FHOD3: variants seen among roughly 807,000 people sequenced by gnomAD.
FHOD3 encodes formin homology 2 domain containing 3.
Under a neutral mutation model 173.0 loss-of-function variants are expected in FHOD3, and 90 were observed. The ratio of observed to expected loss-of-function variants is 0.52; its 90% CI spans 0.44 to 0.62. The LOEUF is 0.62. Among genes scored for constraint, FHOD3 ranks in the 20% least tolerant of loss-of-function variants. The probability of loss-of-function intolerance (pLI) is 0.00; values close to 1 mark genes in which losing one functional copy is unlikely to be tolerated. For synonymous variants in FHOD3, 828 were observed against 823.0 expected (o/e 1.01, Z -0.10); for missense variants, 1,945 against 2,034.7 (o/e 0.96, Z 0.85).
chr18:36,554,550 G>A (rs954235747), intron 5 of FHOD3, among the ~76,000 whole-genome samples: 4 of 151,922 alleles, frequency 2.6e-5, no homozygotes, highest in African/African-American at 9.7e-5. Flanking sequence ...GAGTTAATGG[G>A]TGCAGCACAC....
intron 1 of FHOD3, among the ~76,000 whole-genome samples, chr18:36,353,908 C>CT (rs1487992455): frequency 7.0e-6 from 1 of 143,724 alleles, no homozygotes; most frequent in Non-Finnish European, 1.5e-5. Context: ...ATTTGGGGCT[C>CT]TGCTTTTTTC....
At chr18:36,537,961 A>C (rs897444462) in intron 5 of FHOD3, among the ~76,000 whole-genome samples, 5 of 152,168 alleles carry the variant, frequency 3.3e-5, no homozygotes, top group African/African-American at 1.2e-4. Flanking sequence ...AACCTCAACA[A>C]ATTTAAAATA....
chr18:36,475,751 TACACACACACACACACACACACACAC>T (rs58982535), intron 3 of FHOD3, among the ~76,000 whole-genome samples: 12 of 142,968 alleles, frequency 8.4e-5, no homozygotes, highest in Admixed American at 4.9e-4. Flanking sequence ...TATAGAAACA[TACACACACACACACACACACACACAC>T]ACACACACAC....
chr18:36,491,422 G>A (rs1395947736), intron 3 of FHOD3, among the ~76,000 whole-genome samples: 1 of 152,144 alleles, frequency 6.6e-6, no homozygotes, highest in Admixed American at 6.5e-5. Context: ...GTTATTAAGT[G>A]CAGTCCATAC....
At chr18:36,742,652 G>GTTAT in intron 21 of FHOD3, 85 bp from the exon 22 acceptor site, 1 of 1,440,824 alleles carries the variant, frequency 6.9e-7, no homozygotes. Flanking sequence ...AACACCGTGT[G>GTTAT]TTATTCCCTT....
chr18:36,469,690 G>A (rs1234189231), intron 3 of FHOD3, among the ~76,000 whole-genome samples: 1 of 152,160 alleles, frequency 6.6e-6, no homozygotes, highest in East Asian at 1.9e-4. Flanking sequence ...GGGTTGTGAG[G>A]CCTCATCACC....
At chr18:36,461,821 G>A (rs1420491713) in intron 3 of FHOD3, among the ~76,000 whole-genome samples, 1 of 152,148 alleles carries the variant, frequency 6.6e-6, no homozygotes, top group South Asian at 2.1e-4. Flanking sequence ...GCAAGGAAGG[G>A]GGTGATGTAG....
chr18:36,652,929 G>C lies in FHOD3; in HGVS notation c.1646G>C (p.Ser549Thr). Reference protein sequence around the residue: ...EKEAESQKENSSSDSFSLSTY... With the variant: ...EKEAESQKENTSSDSFSLSTY... ...GAAGCAGAGTCCCAGAAGGAAAACA[G>C]GTAGATTTGCTCACCTGGAGGCTTG... is the stretch of plus-strand genomic sequence containing the variant. The change falls in exon 12 of 29, where the codon AGT (serine) becomes ACT (threonine). Residue 549 changes from serine to threonine, a missense_variant and splice_region_variant. Physicochemically the swap from Ser to Thr is moderately conservative, Grantham distance 58. Around this residue, in one of 5 missense-constraint regions of FHOD3, gnomAD observed 1,099 missense variants for 1,051.2 expected, o/e 1.05. Coordinates refer to ENST00000590592, the MANE Select transcript of FHOD3 (RefSeq NM_001281740.3). 6.5e-7 allele frequency: 1 copy of C among 1,528,830 alleles called. No individual in the cohort carries two copies. The highest frequency in any genetic ancestry group is 8.8e-7 in the Non-Finnish European group (1 of 1,141,570). The allele number at this position is 1,528,830 out of a possible 1,614,324, so 94.7% of individuals were successfully genotyped here.
chr18:36,464,661 A>G (rs2052795104), intron 3 of FHOD3, among the ~76,000 whole-genome samples: 1 of 151,802 alleles, frequency 6.6e-6, no homozygotes, highest in South Asian at 2.1e-4. Flanking sequence ...GGAGAAAGAG[A>G]GGGAGTGCCA....
At chr18:36,582,946 A>C (rs954831817) in intron 6 of FHOD3, among the ~76,000 whole-genome samples, 1 of 152,250 alleles carries the variant, frequency 6.6e-6, no homozygotes, top group Middle Eastern at 3.4e-3. Context: ...AGGGCCTTGC[A>C]TTTTTCCCCC....
chr18:36,571,900 T>C (rs1342328517), intron 5 of FHOD3, among the ~76,000 whole-genome samples: 2 of 152,174 alleles, frequency 1.3e-5, no homozygotes, highest in East Asian at 1.9e-4. Flanking sequence ...GAAGAACACA[T>C]AAGAGAAAAT....
At chr18:36,407,355 TC>T (rs1317845308) in intron 3 of FHOD3, among the ~76,000 whole-genome samples, 2 of 152,192 alleles carry the variant, frequency 1.3e-5, no homozygotes, top group Non-Finnish European at 2.9e-5. Context: ...CATATACATT[TC>T]CCCACCAACA....
intron 2 of FHOD3, among the ~76,000 whole-genome samples, chr18:36,361,931 T>A (rs751393082): frequency 5.3e-5 from 8 of 152,168 alleles, no homozygotes; most frequent in Admixed American, 1.3e-4. Context: ...AACCACTGCG[T>A]GAGAAAGACG....
At chr18:36,449,217 CT>C (rs1402197018) in intron 3 of FHOD3, among the ~76,000 whole-genome samples, 1 of 152,044 alleles carries the variant, frequency 6.6e-6, no homozygotes, top group Non-Finnish European at 1.5e-5. Context: ...GCTGCCTATA[CT>C]TTCTGTGTTT....
chr18:36,501,073 A>G (rs1411796655), intron 3 of FHOD3, among the ~76,000 whole-genome samples: 1 of 152,162 alleles, frequency 6.6e-6, no homozygotes, highest in Non-Finnish European at 1.5e-5. Flanking sequence ...TGATCTCTGG[A>G]GGATGGGCCC....
rs553001508 is a variant in FHOD3 at position 36,764,797 on chromosome 18, T to C, written c.4624+4015T>C. Among the ~76,000 whole-genome samples, 10 of 152,312 alleles carry C rather than the reference T, an allele frequency of 6.6e-5. No homozygotes were observed. In the East Asian group the frequency reaches 1.9e-3, roughly 29 times the overall value. On this transcript the variant is annotated intron_variant, in intron 27 of 28. Transcript: ENST00000590592. Reference sequence around the variant, plus strand: ...TTCTGCTTTCATGCAGCATGTGTTATGGAGTGGCAAGCCACCCACCTGCTA... The same window carrying C: ...TTCTGCTTTCATGCAGCATGTGTTACGGAGTGGCAAGCCACCCACCTGCTA...
intron 23 of FHOD3, among the ~76,000 whole-genome samples, chr18:36,745,463 C>G (rs1044392551): frequency 2.6e-5 from 4 of 152,212 alleles, no homozygotes; most frequent in African/African-American, 9.7e-5. Context: ...GCATGCCTCC[C>G]TGCCTCACAC....
intron 9 of FHOD3, among the ~76,000 whole-genome samples, chr18:36,618,313 T>C (rs1297342721): frequency 5.9e-5 from 1 of 16,904 alleles, no homozygotes; most frequent in Non-Finnish European, 1.5e-4. Context: ...TTTTGGTGGT[T>C]TTTTTTTTTT....
At chr18:36,548,107 G>A (rs1374371211) in intron 5 of FHOD3, among the ~76,000 whole-genome samples, 4 of 152,206 alleles carry the variant, frequency 2.6e-5, no homozygotes, top group East Asian at 1.9e-4. Flanking sequence ...CAGGAGAATC[G>A]CTTGAACCCA....
Sources: gnomAD v4.1 joint callset for allele counts (sites outside exome capture counted in the v4.1 genomes callset) on GRCh38, gnomAD v4.1.1 for gene constraint, gnomAD v4.1.1 regional missense constraint, MANE v1.5 for transcripts, NCBI Gene and HGNC (gene_info 2026-07-23, HGNC 2026-07-21) for gene names.